The following TEK variants were observed in gnomAD, a reference collection of about 807,000 sequenced individuals.
The protein encoded by TEK is angiopoietin-1 receptor.
TEK carries 43 observed loss-of-function variants against 131.8 expected under a neutral mutation model. The ratio of observed to expected loss-of-function variants is 0.33; its 90% CI spans 0.26 to 0.42. The LOEUF (loss-of-function observed/expected upper bound fraction) is 0.42, where lower values mean the gene tolerates loss of function less well. Ranked by LOEUF, TEK falls within the 10% of genes least tolerant of loss-of-function variation. The pLI is 1.00. For missense variants in TEK, 1,162 were observed against 1,384.4 expected, an observed-to-expected ratio of 0.84 and a Z score of 2.55; for synonymous variants, 580 against 491.6, an observed-to-expected ratio of 1.18 and a Z score of -2.38.
intron 21 of TEK, among the ~76,000 whole-genome samples, chr9:27,224,196 G>C (rs1414731952): frequency 1.3e-5 from 2 of 152,116 alleles, no homozygotes; most frequent in Admixed American, 1.3e-4. Context: ...AGAGGAGCTG[G>C]TACCATTCCT....
At chr9:27,196,762 C>CTTTTTTTTTTTT (rs367911024) in intron 11 of TEK, among the ~76,000 whole-genome samples, 1 of 99,284 alleles carries the variant, frequency 1.0e-5, no homozygotes. Context: ...GTGCTATACA[C>CTTTTTTTTTTTT]TTTTTTTTTT....
rs1824785229 is a variant in TEK, at chr9:27,190,678, C to A, written c.1477C>A (p.Gln493Lys). The change falls in exon 10 of 23, where the codon CAA becomes AAA. Residue 493 changes from glutamine (Q) to lysine (K), a missense_variant. Gln to Lys is a moderately conservative substitution (Grantham distance 53). Around this residue, in one of 6 missense-constraint regions of TEK, gnomAD observed 477 missense variants for 471.0 expected, o/e 1.01. Transcript: ENST00000380036. ...YKPVNHYEAW[Q>K]HIQVTNEIVT... ...ACCCGTTAATCACTATGAGGCTTGG[C>A]AACATATTCAAGGTAAGCTTTGGAC... is the stretch of plus-strand genomic sequence containing the variant. 3 of 1,613,804 alleles carry A rather than the reference C, an allele frequency of 1.9e-6. No individual in the cohort carries two copies. Among genetic ancestry groups the A allele is most frequent in the African/African-American group, 2.7e-5 (2 of 74,912 alleles).
At chr9:27,194,320 C>A (rs1824929416) in intron 11 of TEK, among the ~76,000 whole-genome samples, 1 of 152,154 alleles carries the variant, frequency 6.6e-6, no homozygotes, top group Non-Finnish European at 1.5e-5. Flanking sequence ...TTCCTTCACA[C>A]CACCCACCTA....
chr9:27,192,449 G>C, intron 10 of TEK, 40 bp from the exon 11 acceptor site: 1 of 1,613,086 alleles, frequency 6.2e-7, no homozygotes, highest in Non-Finnish European at 8.5e-7. Flanking sequence ...GAATGTAAGA[G>C]AATGCCAACT....
chr9:27,168,025 A>G (rs1823801338), intron 2 of TEK, among the ~76,000 whole-genome samples: 1 of 152,208 alleles, frequency 6.6e-6, no homozygotes, highest in South Asian at 2.1e-4. Context: ...ATCCAAAAAT[A>G]TTTGAGAGCC....
intron 18 of TEK, among the ~76,000 whole-genome samples, chr9:27,216,208 G>T (rs1825816082): frequency 6.6e-6 from 1 of 152,126 alleles, no homozygotes; most frequent in African/African-American, 2.4e-5. Flanking sequence ...GGTCAAATTT[G>T]CCATTTAGCA....
intron 21 of TEK, among the ~76,000 whole-genome samples, chr9:27,223,358 C>T (rs992751857): frequency 4.6e-5 from 7 of 152,200 alleles, no homozygotes; most frequent in Admixed American, 2.6e-4. Flanking sequence ...TAAAGCTGAC[C>T]ACATAACTGG....
intron 11 of TEK, among the ~76,000 whole-genome samples, chr9:27,194,895 C>T (rs1824951523): frequency 6.6e-6 from 1 of 152,050 alleles, no homozygotes; most frequent in African/African-American, 2.4e-5. Context: ...AGGAAGAGAA[C>T]ACTTTCTGAA....
chr9:27,134,250 A>G lies in TEK; in HGVS notation c.53-23581A>G, dbSNP rs141653354. Among the ~76,000 whole-genome samples the G allele has an allele frequency of 5.1e-3, 772 of 152,320 alleles. 6 individuals carry two copies. The highest frequency in any genetic ancestry group is 8.7e-3 in the Non-Finnish European group (591 of 68,032). On this transcript the variant is annotated intron_variant, in intron 1 of 22. Coordinates refer to ENST00000380036, the MANE Select transcript of TEK (RefSeq NM_000459.5). The stretch of plus-strand genomic sequence containing the variant: ...GAACTGTTACTGTATTCATATTAAC[A>G]TTGTATGTACTTGGATTAGAGAGTT...
Position 27,174,982 on chromosome 9 carries a change from TTTA to T in TEK, c.901+1640_901+1642del, listed in dbSNP as rs369673345. ...TTTTTTTGTTTTTTTTTTAATTCTT[TTTA>T]TTATTATTATTATTATTATACTGTA... On this transcript the variant is annotated intron_variant, in intron 6 of 22. Coordinates refer to ENST00000380036, the MANE Select transcript of TEK (RefSeq NM_000459.5). 8.7e-3 allele frequency among the ~76,000 whole-genome samples: 1,309 copies of T among 150,230 alleles called. 26 individuals are homozygous for T. The highest frequency in any genetic ancestry group is 0.03 in the African/African-American group (1,234 of 41,036).
chr9:27,121,202 T>C (rs1404724356), intron 1 of TEK, among the ~76,000 whole-genome samples: 1 of 151,884 alleles, frequency 6.6e-6, no homozygotes, highest in African/African-American at 2.4e-5. Flanking sequence ...TGGTGCACAC[T>C]TGTAGTCCCA....
At position 27,217,796 on chromosome 9, in the gene TEK, C is replaced by T. The variant is rs576962805; in HGVS notation, c.3062+38C>T. Reference sequence around the variant, plus strand: ...CTTATTGCCAAGGGATTTTTTTTCCCTCCCAGAAACATATACATTTGACAG... The same window carrying T: ...CTTATTGCCAAGGGATTTTTTTTCCTTCCCAGAAACATATACATTTGACAG... On this transcript the variant is annotated intron_variant, in intron 19 of 22. Transcript: ENST00000380036. 8 of 1,557,332 alleles carry T rather than the reference C, an allele frequency of 5.1e-6. No homozygotes were observed. The African/African-American group carries it at 1.1e-4, about 21-fold the overall frequency.
At chr9:27,224,209 T>C (rs1396027048) in intron 21 of TEK, among the ~76,000 whole-genome samples, 1 of 152,096 alleles carries the variant, frequency 6.6e-6, no homozygotes, top group Non-Finnish European at 1.5e-5. Flanking sequence ...CCATTCCTTC[T>C]GCAACTATTC....
intron 2 of TEK, among the ~76,000 whole-genome samples, chr9:27,167,563 T>C (rs916470938): frequency 6.6e-6 from 1 of 152,174 alleles, no homozygotes; most frequent in African/African-American, 2.4e-5. Flanking sequence ...TATAAAATAA[T>C]TTTCCCAGTT....
intron 1 of TEK, among the ~76,000 whole-genome samples, chr9:27,120,488 G>C (rs549800038): frequency 6.6e-6 from 1 of 152,252 alleles, no homozygotes; most frequent in Non-Finnish European, 1.5e-5. Flanking sequence ...GGATTATGTG[G>C]GATAATGATC....
intron 2 of TEK, among the ~76,000 whole-genome samples, chr9:27,158,711 G>A (rs1823434370): frequency 6.7e-6 from 1 of 149,050 alleles, no homozygotes; most frequent in Non-Finnish European, 1.5e-5. Context: ...CCGGACTAGA[G>A]TGCAGTGGCA....
rs1367866328 is a variant in TEK, at chr9:27,203,087, C to T, written c.2177C>T (p.Ser726Phe). The part of the protein sequence containing the change: ...NNIGSSNPAF[S>F]HELVTLPESQ... ...ATAGGGTCAAGCAACCCAGCCTTTT[C>T]TCATGAACTGGTGACCCTCCCAGAA... The change falls in exon 13 of 23, where the codon TCT becomes TTT. Residue 726 changes from serine to phenylalanine, a missense_variant. Coordinates refer to ENST00000380036, the MANE Select transcript of TEK (RefSeq NM_000459.5). The T allele has an allele frequency of 6.8e-6, 11 of 1,614,098 alleles. No homozygotes were observed. The highest frequency in any genetic ancestry group is 1.3e-5 in the African/African-American group (1 of 75,038).
At chr9:27,224,266 C>T (rs1826214931) in intron 21 of TEK, among the ~76,000 whole-genome samples, 1 of 152,148 alleles carries the variant, frequency 6.6e-6, no homozygotes, top group African/African-American at 2.4e-5. Context: ...TTTATGAGGT[C>T]AGCATCATCC....
intron 1 of TEK, among the ~76,000 whole-genome samples, chr9:27,150,124 C>A (rs898346019): frequency 6.6e-6 from 1 of 152,144 alleles, no homozygotes; most frequent in Non-Finnish European, 1.5e-5. Flanking sequence ...ATTCTCCAGG[C>A]GCCCTCCTGC....
Sources: gnomAD v4.1 joint callset for allele counts (sites outside exome capture counted in the v4.1 genomes callset) on GRCh38, gnomAD v4.1.1 for gene constraint, gnomAD v4.1.1 regional missense constraint, MANE v1.5 for transcripts, NCBI Gene and HGNC (gene_info 2026-07-23, HGNC 2026-07-21) for gene names.